Variants in RELN observed in about 807,000 individuals in gnomAD.
RELN encodes reelin.
RELN carries 108 observed loss-of-function variants against 427.6 expected under a neutral mutation model. The ratio of observed to expected loss-of-function variants is 0.25; its 90% confidence interval spans 0.22 to 0.30. The LOEUF is 0.30. RELN is among the 10% of genes least tolerant of loss of function. The probability of loss-of-function intolerance (pLI) is 1.00; values close to 1 mark genes in which losing one functional copy is unlikely to be tolerated. For synonymous variants in RELN, 1,524 were observed against 1,513.4 expected (o/e 1.01, Z -0.16); for missense variants, 3,715 against 4,302.8 (o/e 0.86, Z 3.82).
intron 1 of RELN, among the ~76,000 whole-genome samples, chr7:103,917,856 C>A (rs1795521206): frequency 6.6e-6 from 1 of 152,110 alleles, no homozygotes; most frequent in African/African-American, 2.4e-5. Context: ...TATACGTATG[C>A]TACTCAGGCT....
At chr7:103,714,713 A>G (rs2115865304) in intron 8 of RELN, among the ~76,000 whole-genome samples, 1 of 152,320 alleles carries the variant, frequency 6.6e-6, no homozygotes, top group South Asian at 2.1e-4. Flanking sequence ...GCAGAGCAGG[A>G]AAAAATGGTT....
intron 45 of RELN, among the ~76,000 whole-genome samples, chr7:103,537,138 C>A (rs1830070379): frequency 2.0e-5 from 3 of 152,162 alleles, no homozygotes; most frequent in Admixed American, 2.0e-4. Flanking sequence ...TAAGAAAAAA[C>A]ACAATTTAGA....
At chr7:103,619,406 A>G (rs1832164539) in intron 20 of RELN, among the ~76,000 whole-genome samples, 1 of 152,148 alleles carries the variant, frequency 6.6e-6, no homozygotes, top group Admixed American at 6.5e-5. Flanking sequence ...CCTTCTGTTG[A>G]AGTCCAGATT....
chr7:103,847,811 T>C (rs550804153), intron 2 of RELN, among the ~76,000 whole-genome samples: 1 of 152,168 alleles, frequency 6.6e-6, no homozygotes, highest in Non-Finnish European at 1.5e-5. Context: ...TGCATATGTG[T>C]AAAATCTGAC....
chr7:103,989,140 C>T lies in RELN; in HGVS notation c.217G>A (p.Glu73Lys). Residue 73 changes from glutamate (E) to lysine (K), a missense_variant, in exon 1 of 65, where the codon GAA becomes AAA. Around this residue, in one of 4 missense-constraint regions of RELN, gnomAD observed 2,208 missense variants for 2,361.7 expected, o/e 0.93. Coordinates refer to ENST00000428762, the MANE Select transcript of RELN (RefSeq NM_005045.4). This position sits in a 1 kb window ranked among gnomAD's most constrained non-coding sequence, Gnocchi z 4.9. The part of the protein sequence containing the change: ...GNPTYYVPGQ[E>K]YHVTISTSTF... ...GTGCTGCGGTACCTACCATGGTATT[C>T]TTGTCCCGGAACGTAGTAGGTGGGG... 1 of 1,613,926 alleles carries T rather than the reference C, an allele frequency of 6.2e-7. No individual in the cohort carries two copies. Among genetic ancestry groups the T allele is most frequent in the Non-Finnish European group, 8.5e-7 (1 of 1,179,938 alleles).
chr7:103,523,888 G>A (rs191965694), intron 46 of RELN, among the ~76,000 whole-genome samples: 2 of 152,150 alleles, frequency 1.3e-5, no homozygotes, highest in East Asian at 3.9e-4. Flanking sequence ...TGTTGGCCAG[G>A]CTGGTCTTGA....
intron 27 of RELN, among the ~76,000 whole-genome samples, chr7:103,590,939 C>T (rs1442919271): frequency 1.3e-5 from 2 of 152,134 alleles, no homozygotes; most frequent in Non-Finnish European, 2.9e-5. Flanking sequence ...TTTGTCATCA[C>T]CAGATAAATT....
intron 4 of RELN, among the ~76,000 whole-genome samples, chr7:103,774,082 G>C (rs1484511278): frequency 6.6e-6 from 1 of 151,952 alleles, no homozygotes; most frequent in Non-Finnish European, 1.5e-5. Context: ...GATTACCTGA[G>C]GTCAGGAGTT....
intron 2 of RELN, among the ~76,000 whole-genome samples, chr7:103,871,717 A>G (rs111262207): frequency 0.017 from 2,540 of 152,240 alleles, 60 homozygotes; most frequent in African/African-American, 0.046. Flanking sequence ...GGTATAAAGT[A>G]TGAAGAGAAT....
intron 6 of RELN, among the ~76,000 whole-genome samples, chr7:103,747,702 T>A (rs1367776537): frequency 2.8e-5 from 4 of 142,240 alleles, no homozygotes; most frequent in African/African-American, 1.0e-4. Context: ...CTGTGGGCAA[T>A]AAGGGATAAA....
rs1478595607 is a variant in RELN, at chr7:103,539,397, C to T, written c.6931-70G>A. 3.1e-5 allele frequency: 46 copies of T among 1,500,892 alleles called. 1 individual carries two copies. Among genetic ancestry groups the T allele is most frequent in the South Asian group, 1.1e-4 (9 of 84,548 alleles). 93.0% of individuals were successfully genotyped at this position (1,500,892 alleles called of 1,614,324 possible). ...AAGAAATGGAAAGTTCTGCCTTTTT[C>T]GTTTGTTTGTTTGTTTGTTTTGATC... On this transcript the variant is annotated intron_variant, in intron 44 of 64. Coordinates refer to ENST00000428762, the MANE Select transcript of RELN (RefSeq NM_005045.4).
intron 1 of RELN, among the ~76,000 whole-genome samples, chr7:103,962,241 C>G (rs1041790350): frequency 3.3e-5 from 5 of 152,126 alleles, no homozygotes; most frequent in Admixed American, 2.0e-4. Flanking sequence ...TACTAAGCAG[C>G]ACAGCCACTC....
intron 61 of RELN, 23 bp from the exon 62 acceptor site, chr7:103,483,873 CTTTATTTTTA>C (rs1562842067): frequency 1.9e-6 from 3 of 1,607,962 alleles, no homozygotes; most frequent in East Asian, 2.2e-5. Flanking sequence ...GGGAAATCAT[CTTTATTTTTA>C]TTTATTTATT....
At chr7:103,662,847 A>G (rs1164488350) in intron 11 of RELN, among the ~76,000 whole-genome samples, 2 of 152,104 alleles carry the variant, frequency 1.3e-5, no homozygotes, top group Non-Finnish European at 2.9e-5. Flanking sequence ...TCCTTTGTTT[A>G]AAGTCTTTCA....
At position 103,800,873 on chromosome 7, in the gene RELN, C is replaced by CA. The variant is rs1792446066; in HGVS notation, c.474-24247dup. 2.6e-5 allele frequency among the ~76,000 whole-genome samples: 4 copies of CA among 152,216 alleles called. No individual in the cohort carries two copies. In the South Asian group the frequency reaches 8.3e-4, roughly 32 times the overall value. On this transcript the variant is annotated intron_variant, in intron 3 of 64. Coordinates refer to ENST00000428762, the MANE Select transcript of RELN (RefSeq NM_005045.4). The stretch of plus-strand genomic sequence containing the variant: ...ATACAGAATCTACAAAGAACTTAAA[C>CA]AAATTTACAAGAAAAAAGCAAACAA...
intron 57 of RELN, among the ~76,000 whole-genome samples, chr7:103,493,938 T>G (rs1828747983): frequency 2.0e-5 from 3 of 152,086 alleles, no homozygotes; most frequent in Admixed American, 2.0e-4. Flanking sequence ...GAAATTGCCT[T>G]GGTTATAGAA....
At chr7:103,842,259 T>G (rs1415195661) in intron 2 of RELN, among the ~76,000 whole-genome samples, 1 of 133,970 alleles carries the variant, frequency 7.5e-6, no homozygotes, top group Non-Finnish European at 1.6e-5. Flanking sequence ...CATCAGTTAA[T>G]AAAAAAAAAA....
chr7:103,578,238 C>T (rs1310576365), intron 28 of RELN, among the ~76,000 whole-genome samples: 1 of 152,050 alleles, frequency 6.6e-6, no homozygotes, highest in African/African-American at 2.4e-5. Context: ...GATCCTAAGG[C>T]TTCTATAGAC....
intron 1 of RELN, among the ~76,000 whole-genome samples, chr7:103,934,147 C>T (rs978794112): frequency 3.3e-5 from 5 of 152,126 alleles, no homozygotes; most frequent in African/African-American, 1.2e-4. Context: ...ATGACACTTC[C>T]AAATCTCAAT....
Sources: allele counts gnomAD v4.1 joint callset (sites outside exome capture counted in the v4.1 genomes callset), GRCh38; gene constraint gnomAD v4.1.1; regional missense constraint gnomAD v4.1.1; non-coding constraint Gnocchi (gnomAD v3.1); transcripts MANE v1.5; gene names NCBI Gene and HGNC (gene_info 2026-07-23, HGNC 2026-07-21).